Variants in RASAL2 observed in about 807,000 individuals in gnomAD.
RASAL2 encodes ras GTPase-activating protein nGAP.
A neutral mutation model predicts 128.9 loss-of-function variants in RASAL2; 58 were observed. That is an observed-to-expected ratio of 0.45 (90% CI 0.36 to 0.56). RASAL2 has a LOEUF of 0.56. Ranked by LOEUF, RASAL2 falls within the 20% of genes least tolerant of loss-of-function variation. The pLI, the probability that RASAL2 is intolerant of heterozygous loss-of-function variation, is 0.00. For missense variants in RASAL2, 1,360 were observed against 1,601.6 expected, an observed-to-expected ratio of 0.85 and a Z score of 2.57; for synonymous variants, 561 against 580.8, an observed-to-expected ratio of 0.97 and a Z score of 0.49.
chr1:178,345,897 G>A (rs1199835588), intron 3 of RASAL2, among the ~76,000 whole-genome samples: 1 of 152,148 alleles, frequency 6.6e-6, no homozygotes, highest in Non-Finnish European at 1.5e-5. Flanking sequence ...AGCTCATTTC[G>A]AAGAGTGTGT....
rs1669388310 is a variant in RASAL2, at chr1:178,332,713, G to A, written c.457+32595G>A. Reference sequence around the variant, plus strand: ...TGCAAGCTCCACCTCCCGGGTTCACGCCATTCTCCTGCCTCAGCCTCCCAA... The same window carrying A: ...TGCAAGCTCCACCTCCCGGGTTCACACCATTCTCCTGCCTCAGCCTCCCAA... On this transcript the variant is annotated intron_variant, in intron 3 of 17. Transcript: ENST00000367649. Among the ~76,000 whole-genome samples the A allele has an allele frequency of 1.3e-5, 2 of 148,572 alleles. 1 individual carries two copies. The highest frequency in any genetic ancestry group is 4.3e-4 in the South Asian group (2 of 4,636).
chr1:178,251,937 A>C (rs1665073252), intron 1 of RASAL2, among the ~76,000 whole-genome samples: 1 of 152,232 alleles, frequency 6.6e-6, no homozygotes, highest in East Asian at 1.9e-4. Context: ...TTTATATATA[A>C]GTCTCTAAGT....
chr1:178,129,220 C>G (rs1352940901), intron 1 of RASAL2, among the ~76,000 whole-genome samples: 2 of 152,042 alleles, frequency 1.3e-5, no homozygotes. Flanking sequence ...TATAAGGGCT[C>G]TGATTTCTCC....
intron 1 of RASAL2, among the ~76,000 whole-genome samples, chr1:178,269,763 C>A (rs1666158350): frequency 6.6e-6 from 1 of 152,190 alleles, no homozygotes; most frequent in Non-Finnish European, 1.5e-5. Flanking sequence ...AAATGGGCAA[C>A]CAGCAGCCCT....
chr1:178,426,667 G>A (rs1269747251), intron 5 of RASAL2, among the ~76,000 whole-genome samples: 2 of 151,970 alleles, frequency 1.3e-5, no homozygotes, highest in Non-Finnish European at 2.9e-5. Context: ...GAATGTTGGG[G>A]GTGGGGGGAT....
At chr1:178,263,980 T>C (rs1316466222) in intron 1 of RASAL2, among the ~76,000 whole-genome samples, 3 of 152,212 alleles carry the variant, frequency 2.0e-5, no homozygotes, top group Admixed American at 2.0e-4. Context: ...ATTACCTTCC[T>C]TCTGGTATAT....
At chr1:178,463,293 TTG>T (rs779693001) in intron 14 of RASAL2, among the ~76,000 whole-genome samples, 1 of 152,158 alleles carries the variant, frequency 6.6e-6, no homozygotes, top group African/African-American at 2.4e-5. Flanking sequence ...GGGAAAAAAA[TTG>T]TGTGTTTCCA....
intron 3 of RASAL2, among the ~76,000 whole-genome samples, chr1:178,353,780 C>T (rs1441289590): frequency 2.6e-5 from 4 of 152,140 alleles, no homozygotes; most frequent in Admixed American, 2.0e-4. Context: ...GTGGCTATCC[C>T]ATCATATTAC....
chr1:178,106,060 T>C (rs1195167131), intron 1 of RASAL2, among the ~76,000 whole-genome samples: 1 of 152,244 alleles, frequency 6.6e-6, no homozygotes, highest in Non-Finnish European at 1.5e-5. Context: ...GAAATCGCTG[T>C]AGATGACAAC....
chr1:178,115,337 A>G (rs1659488128), intron 1 of RASAL2, among the ~76,000 whole-genome samples: 1 of 152,158 alleles, frequency 6.6e-6, no homozygotes, highest in Non-Finnish European at 1.5e-5. Flanking sequence ...CATTCCTCAT[A>G]TTAGTTTATG....
chr1:178,269,366 T>C (rs1666135848), intron 1 of RASAL2, among the ~76,000 whole-genome samples: 1 of 152,190 alleles, frequency 6.6e-6, no homozygotes, highest in African/African-American at 2.4e-5. Context: ...CATTCCCCCA[T>C]TTTGAAGGAG....
intron 3 of RASAL2, among the ~76,000 whole-genome samples, chr1:178,359,572 G>A (rs1670996481): frequency 6.6e-6 from 1 of 152,110 alleles, no homozygotes; most frequent in African/African-American, 2.4e-5. Context: ...AATTTCCCAA[G>A]ATACTTAAAT....
rs977695077 is a variant in RASAL2 at position 178,385,084 on chromosome 1, T to G, written c.458-5016T>G. ...TAACCCTCAGTTAATATGATAGACATTTCACTTTACTCTCTTTCCAAACAT... is the reference window on the plus strand; with the variant it reads ...TAACCCTCAGTTAATATGATAGACAGTTCACTTTACTCTCTTTCCAAACAT... On this transcript the variant is annotated intron_variant, in intron 3 of 17. Coordinates refer to ENST00000367649, the MANE Select transcript of RASAL2 (RefSeq NM_170692.4). Among the ~76,000 whole-genome samples the G allele has an allele frequency of 2.0e-5, 3 of 152,216 alleles. No individual in the cohort carries two copies. In the East Asian group the frequency reaches 5.8e-4, roughly 29 times the overall value.
At chr1:178,196,256 A>G (rs1662654949) in intron 1 of RASAL2, among the ~76,000 whole-genome samples, 1 of 152,166 alleles carries the variant, frequency 6.6e-6, no homozygotes, top group South Asian at 2.1e-4. Flanking sequence ...TTTGGGGGCC[A>G]TTCATATTCA....
At chr1:178,263,640 A>G (rs1443816665) in intron 1 of RASAL2, among the ~76,000 whole-genome samples, 1 of 152,146 alleles carries the variant, frequency 6.6e-6, no homozygotes, top group Admixed American at 6.5e-5. Context: ...AGTTGAGGAC[A>G]TGGGTCTTGC....
At chr1:178,095,688 A>T (rs1186553483) in intron 1 of RASAL2, among the ~76,000 whole-genome samples, 1 of 152,208 alleles carries the variant, frequency 6.6e-6, no homozygotes, top group African/African-American at 2.4e-5. Context: ...TATGCTTACT[A>T]TTCAAGAGTG....
At chr1:178,416,293 C>A (rs1674751986) in intron 4 of RASAL2, among the ~76,000 whole-genome samples, 1 of 151,944 alleles carries the variant, frequency 6.6e-6, no homozygotes, top group Admixed American at 6.6e-5. Flanking sequence ...TAATGTAAGT[C>A]CACTTTCACA....
chr1:178,441,737 T>C, intron 7 of RASAL2, 90 bp downstream of exon 7: 1 of 963,962 alleles, frequency 1.0e-6, no homozygotes, highest in Non-Finnish European at 1.6e-6. Flanking sequence ...CCTTAATTTG[T>C]CTATAGCTTG....
At chr1:178,349,481 G>A (rs554190510) in intron 3 of RASAL2, among the ~76,000 whole-genome samples, 13 of 151,996 alleles carry the variant, frequency 8.6e-5, no homozygotes, top group African/African-American at 2.7e-4. Context: ...TTACATTTGG[G>A]GTCATTGAAT....
Sources: allele counts gnomAD v4.1 joint callset (sites outside exome capture counted in the v4.1 genomes callset), GRCh38; gene constraint gnomAD v4.1.1; transcripts MANE v1.5; gene names NCBI Gene and HGNC (gene_info 2026-07-23, HGNC 2026-07-21).